The following CHN1 variants were observed in gnomAD, a reference collection of about 807,000 sequenced individuals.
CHN1 encodes chimerin 1.
Under a neutral mutation model 59.5 loss-of-function variants are expected in CHN1, and 37 were observed. That is an observed-to-expected ratio of 0.62 (90% confidence interval 0.48 to 0.82). The LOEUF (loss-of-function observed/expected upper bound fraction) is 0.82, where lower values mean the gene tolerates loss of function less well. Among genes scored for constraint, CHN1 ranks in the 40% least tolerant of loss-of-function variants. The pLI, the probability that CHN1 is intolerant of heterozygous loss-of-function variation, is 0.00. For synonymous variants in CHN1, 206 were observed against 200.4 expected (o/e 1.03, Z -0.24); for missense variants, 469 against 571.0 (o/e 0.82, Z 1.82).
intron 7 of CHN1, among the ~76,000 whole-genome samples, chr2:174,831,964 T>C (rs2105412363): frequency 6.6e-6 from 1 of 152,174 alleles, no homozygotes. Flanking sequence ...TGACAGAAAA[T>C]CTCTATACCT....
intron 7 of CHN1, among the ~76,000 whole-genome samples, chr2:174,838,071 T>TAACA: frequency 6.6e-6 from 1 of 152,180 alleles, no homozygotes; most frequent in East Asian, 1.9e-4. Flanking sequence ...ACCGTCCTAC[T>TAACA]AACAGTCATG....
intron 4 of CHN1, among the ~76,000 whole-genome samples, chr2:174,915,788 TAC>T (rs756282471): frequency 6.6e-5 from 10 of 152,142 alleles, no homozygotes; most frequent in African/African-American, 1.7e-4. Context: ...ACATGCTCTT[TAC>T]ACAAACACAG....
At chr2:174,996,453 T>C (rs1349306304) in intron 1 of CHN1, among the ~76,000 whole-genome samples, 1 of 152,200 alleles carries the variant, frequency 6.6e-6, no homozygotes, top group East Asian at 1.9e-4. Flanking sequence ...CTACTATGTA[T>C]CTTCAACCAC....
intron 7 of CHN1, among the ~76,000 whole-genome samples, chr2:174,827,238 T>C (rs942867525): frequency 2.0e-5 from 3 of 152,236 alleles, no homozygotes; most frequent in Non-Finnish European, 4.4e-5. Flanking sequence ...TCAAAACAAA[T>C]ACTGATTTTC....
At chr2:174,848,384 G>C (rs1686611955) in intron 6 of CHN1, among the ~76,000 whole-genome samples, 2 of 136,966 alleles carry the variant, frequency 1.5e-5, no homozygotes, top group Non-Finnish European at 3.3e-5. Flanking sequence ...AGCACAACTT[G>C]ACTTAGGAGC....
At chr2:174,914,716 G>A (rs1462447724) in intron 5 of CHN1, among the ~76,000 whole-genome samples, 2 of 151,798 alleles carry the variant, frequency 1.3e-5, no homozygotes, top group African/African-American at 4.8e-5. Flanking sequence ...AGTGGCACAC[G>A]TCTATAATCC....
chr2:174,943,571 T>C (rs986514820), intron 3 of CHN1, among the ~76,000 whole-genome samples: 7 of 152,106 alleles, frequency 4.6e-5, no homozygotes, highest in Middle Eastern at 3.2e-3. Flanking sequence ...TTTGTTTCAA[T>C]ACGTGACCAT....
intron 6 of CHN1, among the ~76,000 whole-genome samples, chr2:174,862,482 G>A (rs562599132): frequency 1.4e-4 from 21 of 152,020 alleles, no homozygotes; most frequent in East Asian, 1.2e-3. Flanking sequence ...GCAGGCACAC[G>A]CCACCACACC....
intron 6 of CHN1, among the ~76,000 whole-genome samples, chr2:174,863,110 T>C (rs900300830): frequency 2.6e-5 from 4 of 152,218 alleles, no homozygotes; most frequent in Non-Finnish European, 4.4e-5. Flanking sequence ...CAATGAGTTA[T>C]CTGGTAAGAT....
intron 7 of CHN1, among the ~76,000 whole-genome samples, chr2:174,839,021 A>G (rs938525371): frequency 6.6e-6 from 1 of 152,102 alleles, no homozygotes; most frequent in Non-Finnish European, 1.5e-5. Context: ...TGTCTTAAAA[A>G]AAAAAAAAAA....
chr2:174,898,130 G>A (rs1688276066), intron 5 of CHN1, among the ~76,000 whole-genome samples: 1 of 152,104 alleles, frequency 6.6e-6, no homozygotes, highest in Admixed American at 6.5e-5. Flanking sequence ...GCTGGAATGT[G>A]CATATAAAGT....
chr2:174,882,156 T>C (rs935246563), intron 5 of CHN1, among the ~76,000 whole-genome samples: 3 of 152,290 alleles, frequency 2.0e-5, no homozygotes, highest in East Asian at 1.9e-4. Flanking sequence ...CTCACCTAGG[T>C]AGAGTTCAGC....
chr2:174,966,978 C>G (rs1690612748), intron 1 of CHN1, among the ~76,000 whole-genome samples: 1 of 152,162 alleles, frequency 6.6e-6, no homozygotes, highest in Non-Finnish European at 1.5e-5. Context: ...CTGAAACCAT[C>G]TGCCCCAGAA....
chr2:174,928,971 G>A (rs1193029760), intron 3 of CHN1, among the ~76,000 whole-genome samples: 1 of 152,202 alleles, frequency 6.6e-6, no homozygotes, highest in African/African-American at 2.4e-5. Context: ...AGAGTTGGAA[G>A]TGACTTACAG....
intron 5 of CHN1, among the ~76,000 whole-genome samples, chr2:174,895,046 C>T (rs915509069): frequency 7.4e-5 from 9 of 122,430 alleles, no homozygotes; most frequent in African/African-American, 1.9e-4. Flanking sequence ...CACACACACG[C>T]GCGCACACAC....
chr2:174,948,139 T>C (rs1689901038), intron 2 of CHN1, among the ~76,000 whole-genome samples: 2 of 152,234 alleles, frequency 1.3e-5, no homozygotes, highest in South Asian at 4.1e-4. Context: ...TATCTTGAAG[T>C]CAAAATTGGT....
chr2:174,947,963 T>C (rs1170925613), intron 2 of CHN1, among the ~76,000 whole-genome samples: 1 of 152,202 alleles, frequency 6.6e-6, no homozygotes, highest in Non-Finnish European at 1.5e-5. Context: ...AATCATTAAA[T>C]GATTCACCAA....
At chr2:174,927,415 T>TA (rs1418950924) in intron 3 of CHN1, among the ~76,000 whole-genome samples, 1 of 152,234 alleles carries the variant, frequency 6.6e-6, no homozygotes, top group Non-Finnish European at 1.5e-5. Flanking sequence ...TTTTTCAAAT[T>TA]AAAGTCTACT....
rs186793075 is a variant in CHN1 at position 174,987,477 on chromosome 2, G to A, written c.19+17417C>T. On this transcript the variant is annotated intron_variant, in intron 1 of 12. Coordinates refer to ENST00000409900, the MANE Select transcript of CHN1 (RefSeq NM_001822.7). ...GGCTGGAGTACAGTGGCGCAATCTCGGCTCACTGCAACCTCCACCTCCCAG... is the reference window on the plus strand; with the variant it reads ...GGCTGGAGTACAGTGGCGCAATCTCAGCTCACTGCAACCTCCACCTCCCAG... Among the ~76,000 whole-genome samples, 516 of 150,624 alleles carry A rather than the reference G, an allele frequency of 3.4e-3. 9 individuals carry two copies. The highest frequency in any genetic ancestry group is 0.031 in the Admixed American group (473 of 15,106).
Sources: allele counts gnomAD v4.1 joint callset (sites outside exome capture counted in the v4.1 genomes callset), GRCh38; gene constraint gnomAD v4.1.1; transcripts MANE v1.5; gene names NCBI Gene and HGNC (gene_info 2026-07-23, HGNC 2026-07-21).